ELP2: variants seen among roughly 807,000 people sequenced by gnomAD.
ELP2 encodes the protein elongator acetyltransferase complex subunit 2.
Under a neutral mutation model 119.2 loss-of-function variants are expected in ELP2, and 90 were observed. The ratio of observed to expected loss-of-function variants is 0.75; its 90% CI spans 0.64 to 0.90. The LOEUF (loss-of-function observed/expected upper bound fraction) is 0.90. ELP2 is among the 40% of genes least tolerant of loss of function. The pLI is 0.00. For missense variants in ELP2, 921 were observed against 967.8 expected (o/e 0.95, Z 0.64); for synonymous variants, 339 against 331.0 (o/e 1.02, Z -0.26).
At chr18:36,144,840 A>C in intron 8 of ELP2, 99 bp from the exon 9 acceptor site, 1 of 967,668 alleles carries the variant, frequency 1.0e-6, no homozygotes, top group South Asian at 1.4e-5. Context: ...TTTTGTCCTA[A>C]TTTTTTTTTC....
At chr18:36,164,097 TA>T (rs1461645506) in intron 17 of ELP2, among the ~76,000 whole-genome samples, 1 of 152,206 alleles carries the variant, frequency 6.6e-6, no homozygotes, top group Admixed American at 6.5e-5. Context: ...TTTTTAAAAG[TA>T]AACCCTTTAT....
Position 36,136,450 on chromosome 18 carries a change from C to G in ELP2, c.288+73C>G, listed in dbSNP as rs1011889228. 2.3e-5 allele frequency: 29 copies of G among 1,245,480 alleles called. 1 individual carries two copies. The South Asian group carries it at 3.5e-4, about 15-fold the overall frequency. 77.2% of individuals were successfully genotyped at this position (1,245,480 alleles called of 1,614,324 possible). On this transcript the variant is annotated intron_variant, in intron 3 of 21. Transcript: ENST00000358232. The stretch of plus-strand genomic sequence containing the variant: ...GTTTTTTAAGAGGTAGAGTTTCACT[C>G]TGTCACCCAGGCTGACGTGCAGTGG...
At chr18:36,142,486 G>A (rs1224219071) in intron 7 of ELP2, 139 bp downstream of exon 7, 2 of 738,776 alleles carry the variant, frequency 2.7e-6, no homozygotes, top group African/African-American at 3.5e-5. Flanking sequence ...AAAGGAGGAT[G>A]CTTATCTCTT....
At chr18:36,161,216 T>C (rs2090728942) in intron 17 of ELP2, among the ~76,000 whole-genome samples, 1 of 152,210 alleles carries the variant, frequency 6.6e-6, no homozygotes, top group Admixed American at 6.5e-5. Flanking sequence ...ATTTTGAGTT[T>C]ATCTGTGCCT....
At chr18:36,152,304 C>T (rs971633942) in intron 11 of ELP2, among the ~76,000 whole-genome samples, 4 of 152,108 alleles carry the variant, frequency 2.6e-5, no homozygotes, top group Admixed American at 6.5e-5. Flanking sequence ...TTGAATCTCT[C>T]CCTTTTACCT....
chr18:36,130,817 C>T (rs1327940847), intron 1 of ELP2, among the ~76,000 whole-genome samples: 1 of 152,164 alleles, frequency 6.6e-6, no homozygotes, highest in Admixed American at 6.5e-5. Flanking sequence ...AATTCAAATA[C>T]AACGCAGGAG....
At chr18:36,146,124 A>G in intron 10 of ELP2, 76 bp downstream of exon 10, 1 of 1,572,672 alleles carries the variant, frequency 6.4e-7, no homozygotes, top group Non-Finnish European at 8.8e-7. Flanking sequence ...CTATATTGAT[A>G]GACCTGCAAA....
rs2090584083 is a variant in ELP2, at chr18:36,156,629, A to G, written c.1439A>G (p.Gln480Arg). Residue 480 changes from glutamine to arginine, a missense_variant, in exon 13 of 22, where the codon CAA (glutamine) becomes CGA (arginine). By Grantham distance (43) the Gln-to-Arg change is conservative. Transcript: ENST00000358232. Reference sequence around the variant, plus strand: ...GAAAATTTTTGTGCCATTACAGGACAATCACTGAATCATGTGCTCTGTAAT... The same window carrying G: ...GAAAATTTTTGTGCCATTACAGGACGATCACTGAATCATGTGCTCTGTAAT... ...FVENFCAITG[Q>R]SLNHVLCNQD... The G allele has an allele frequency of 1.2e-6, 2 of 1,614,008 alleles. No individual in the cohort carries two copies. Among genetic ancestry groups the G allele is most frequent in the African/African-American group, 1.3e-5 (1 of 74,948 alleles).
chr18:36,149,236 TG>T (rs2090309326), intron 11 of ELP2, among the ~76,000 whole-genome samples: 1 of 152,000 alleles, frequency 6.6e-6, no homozygotes. Flanking sequence ...GCCATTGTGT[TG>T]ATCTAGATTG....
intron 11 of ELP2, among the ~76,000 whole-genome samples, chr18:36,151,862 C>T (rs1478679053): frequency 3.4e-5 from 5 of 148,798 alleles, no homozygotes; most frequent in African/African-American, 1.2e-4. Context: ...ATTCTCCTGT[C>T]TCAGCCGCCT....
chr18:36,171,811 G>A (rs774954412), intron 21 of ELP2, among the ~76,000 whole-genome samples: 1 of 152,192 alleles, frequency 6.6e-6, no homozygotes. Context: ...CCGCCTCCCA[G>A]GCTCAATCAG....
intron 11 of ELP2, among the ~76,000 whole-genome samples, chr18:36,148,710 A>C (rs2090292611): frequency 6.6e-6 from 1 of 152,162 alleles, no homozygotes; most frequent in African/African-American, 2.4e-5. Flanking sequence ...AATTTTAAAA[A>C]TTAGCCATGG....
rs1215879276 is a variant in ELP2, at chr18:36,159,617, G to A, written c.1535-118G>A. The A allele has an allele frequency of 5.1e-6, 4 of 787,992 alleles. No individual in the cohort carries two copies. In the African/African-American group the frequency reaches 6.7e-5, roughly 13 times the overall value. The allele number at this position is 787,992 out of a possible 1,614,324, so 48.8% of individuals were successfully genotyped here. ...TTGCCTTTGGAATCACATGGACACA[G>A]CTGTGAATTGCACCACTTTGAATTA... On this transcript the variant is annotated intron_variant, in intron 14 of 21. Coordinates refer to ENST00000358232, the MANE Select transcript of ELP2 (RefSeq NM_018255.4).
rs368906096 is a variant in ELP2 at position 36,146,582 on chromosome 18, T to G, written c.1125+201T>G. Reference sequence around the variant, plus strand: ...GCTACGTAAGTGCACTGTATTCCTTTAAGCTATAGAATTTTTTAATGATAA... The same window carrying G: ...GCTACGTAAGTGCACTGTATTCCTTGAAGCTATAGAATTTTTTAATGATAA... On this transcript the variant is annotated intron_variant, in intron 11 of 21. Transcript: ENST00000358232. Among the ~76,000 whole-genome samples the G allele has an allele frequency of 7.2e-5, 11 of 152,346 alleles. No homozygotes were observed. In the South Asian group the frequency reaches 2.1e-3, roughly 29 times the overall value.
rs781163169 is a variant in ELP2 at position 36,133,331 on chromosome 18, G to C, written c.217+15G>C. 1.4e-5 allele frequency: 22 copies of C among 1,583,984 alleles called. No individual in the cohort carries two copies. The Middle Eastern group carries it at 5.0e-4, about 36-fold the overall frequency. ...ACAGGATGGCTGTAAGTATTAACCA[G>C]ATTTTAAAGTTGATCTCAATTGTTT... On this transcript the variant is annotated intron_variant, in intron 2 of 21. Transcript: ENST00000358232.
At chr18:36,145,669 CT>C (rs1450795290) in intron 9 of ELP2, among the ~76,000 whole-genome samples, 1 of 152,122 alleles carries the variant, frequency 6.6e-6, no homozygotes, top group Non-Finnish European at 1.5e-5. Context: ...TACAGCTTGC[CT>C]TTTTAGCTTA....
Position 36,138,363 on chromosome 18 carries a change from A to C in ELP2, c.382A>C (p.Thr128Pro), listed in dbSNP as rs1785934. Reference sequence around the variant, plus strand: ...GAGGACATCAGATCCTGCATTATGTACACTGATCGTTTCTGCAGCTGCAGA... The same window carrying C: ...GAGGACATCAGATCCTGCATTATGTCCACTGATCGTTTCTGCAGCTGCAGA... Reference protein sequence around the residue: ...QRRTSDPALCTLIVSAAADSA... With the variant: ...QRRTSDPALCPLIVSAAADSA... The change falls in exon 4 of 22, where the codon ACA becomes CCA. Residue 128 changes from threonine to proline, a missense_variant. Physicochemically the swap from Thr to Pro is conservative, Grantham distance 38 (BLOSUM62 -1). Coordinates refer to ENST00000358232, the MANE Select transcript of ELP2 (RefSeq NM_018255.4). The C allele has an allele frequency of 0.36, 573,084 of 1,613,626 alleles. 103,403 individuals are homozygous for C. The highest frequency in any genetic ancestry group is 0.39 in the Admixed American group (23,336 of 59,992).
rs750040182 is a variant in ELP2 at position 36,159,793 on chromosome 18, G to A, written c.1593G>A (p.Glu531=). ...AGCTGTTAACTAGTACTGGTTTTGAGTATCAGCAGGTGGCCTTTCAGCCCT... is the reference window on the plus strand; with the variant it reads ...AGCTGTTAACTAGTACTGGTTTTGAATATCAGCAGGTGGCCTTTCAGCCCT... ...EEELLTSTGF[E]YQQVAFQPSI... is the part of the protein sequence containing the mutation. The change falls in exon 15 of 22, where the codon GAG becomes GAA. Residue 531 remains glutamate (E), a synonymous_variant. Transcript: ENST00000358232. 1.7e-5 allele frequency: 27 copies of A among 1,613,954 alleles called. No individual in the cohort carries two copies. Among genetic ancestry groups the A allele is most frequent in the Non-Finnish European group, 2.3e-5 (27 of 1,179,974 alleles).
In ELP2 at chr18:36,130,081, G is replaced by A. The variant is rs1314618295; in HGVS notation, c.138+10G>A. On this transcript the variant is annotated intron_variant, in intron 1 of 21. Transcript: ENST00000358232. ...GCTCTATGACCCCCTGGTAAGAGAGGTCGCTGGACGGCCGACCCTTGTGCT... is the reference window on the plus strand; with the variant it reads ...GCTCTATGACCCCCTGGTAAGAGAGATCGCTGGACGGCCGACCCTTGTGCT... The A allele has an allele frequency of 6.2e-7, 1 of 1,614,072 alleles. No individual in the cohort carries two copies. Among genetic ancestry groups the A allele is most frequent in the Non-Finnish European group, 8.5e-7 (1 of 1,180,014 alleles).
Sources: gnomAD v4.1 joint callset for allele counts (sites outside exome capture counted in the v4.1 genomes callset) on GRCh38, gnomAD v4.1.1 for gene constraint, MANE v1.5 for transcripts, NCBI Gene and HGNC (gene_info 2026-07-23, HGNC 2026-07-21) for gene names.